NRG2: variants seen among roughly 807,000 people sequenced by gnomAD.
NRG2 encodes the protein neuregulin 2.
NRG2 carries 27 observed loss-of-function variants against 73.9 expected under a neutral mutation model. The ratio of observed to expected loss-of-function variants is 0.37; its 90% CI spans 0.27 to 0.50. The LOEUF (loss-of-function observed/expected upper bound fraction) is 0.50. Among genes scored for constraint, NRG2 ranks in the 20% least tolerant of loss-of-function variants. The probability of loss-of-function intolerance (pLI) is 0.96; values close to 1 mark genes in which losing one functional copy is unlikely to be tolerated. For missense variants in NRG2, 1,126 were observed against 1,210.1 expected, an observed-to-expected ratio of 0.93 and a Z score of 1.03; for synonymous variants, 532 against 541.0, an observed-to-expected ratio of 0.98 and a Z score of 0.23.
At chr5:139,883,538 C>T (rs921092297) in intron 2 of NRG2, among the ~76,000 whole-genome samples, 4 of 152,186 alleles carry the variant, frequency 2.6e-5, no homozygotes, top group African/African-American at 7.2e-5. Context: ...ACAGAGATGC[C>T]CAGACAGAGT....
intron 1 of NRG2, among the ~76,000 whole-genome samples, chr5:139,889,879 G>C (rs1010598125): frequency 6.6e-6 from 1 of 152,180 alleles, no homozygotes; most frequent in Non-Finnish European, 1.5e-5. Context: ...TACCTCTTGG[G>C]ATGATGGCTG....
At chr5:139,857,161 C>T (rs1761861562) in intron 5 of NRG2, among the ~76,000 whole-genome samples, 1 of 152,202 alleles carries the variant, frequency 6.6e-6, no homozygotes, top group Non-Finnish European at 1.5e-5. Context: ...TCTCTCTGTC[C>T]TACTTCATTG....
intron 1 of NRG2, among the ~76,000 whole-genome samples, chr5:139,923,039 C>T (rs1364485805): frequency 6.6e-6 from 1 of 152,162 alleles, no homozygotes; most frequent in Non-Finnish European, 1.5e-5. Flanking sequence ...TGTCCTTATA[C>T]ACTTGTCCAA....
At chr5:139,975,666 G>C (rs1030732679) in intron 1 of NRG2, among the ~76,000 whole-genome samples, 9 of 152,232 alleles carry the variant, frequency 5.9e-5, no homozygotes, top group Non-Finnish European at 1.3e-4. Context: ...GGCTGGGGCA[G>C]CTGGGCTGGG....
chr5:139,908,833 C>T (rs956079145), intron 1 of NRG2, among the ~76,000 whole-genome samples: 1 of 152,240 alleles, frequency 6.6e-6, no homozygotes, highest in Non-Finnish European at 1.5e-5. Flanking sequence ...CACCCTGGGG[C>T]ATGCCAGCTG....
intron 1 of NRG2, among the ~76,000 whole-genome samples, chr5:140,018,279 C>T (rs1292136976): frequency 3.3e-5 from 5 of 151,968 alleles, no homozygotes; most frequent in South Asian, 2.1e-4. Flanking sequence ...GGAGATGGCC[C>T]GGCATAACCA....
chr5:139,904,372 C>T lies in NRG2; in HGVS notation c.701-16861G>A, dbSNP rs777220182. The T allele has an allele frequency of 1.3e-6, 2 of 1,585,408 alleles. No homozygotes were observed. Among genetic ancestry groups the T allele is most frequent in the Non-Finnish European group, 1.7e-6 (2 of 1,173,886 alleles). On this transcript the variant is annotated intron_variant, in intron 1 of 9. Transcript: ENST00000361474. This position sits in a 1 kb window ranked among gnomAD's most constrained non-coding sequence, Gnocchi z 6.0. ...CTCTGGGTGCTTCTTGCCGCGGCCG[C>T]GGCCCCTCCTCCTGGACTCCGACAT...
At chr5:139,866,077 C>T (rs973722470) in intron 4 of NRG2, among the ~76,000 whole-genome samples, 1 of 152,102 alleles carries the variant, frequency 6.6e-6, no homozygotes, top group Non-Finnish European at 1.5e-5. Flanking sequence ...TCTCCTGGGC[C>T]CTGGGCAGGT....
At chr5:139,855,280 T>TGTGGG (rs1761733842) in intron 6 of NRG2, among the ~76,000 whole-genome samples, 1 of 152,214 alleles carries the variant, frequency 6.6e-6, no homozygotes, top group Non-Finnish European at 1.5e-5. Flanking sequence ...TCCAGGAGCC[T>TGTGGG]GTGGGGTCAG....
rs760621414 is a variant in NRG2, at chr5:139,847,936, T to G, written c.2534A>C (p.Gln845Pro). The G allele has an allele frequency of 2.5e-4, 369 of 1,496,970 alleles. No individual in the cohort carries two copies. Among genetic ancestry groups the G allele is most frequent in the Middle Eastern group, 9.4e-4 (4 of 4,274 alleles). 92.7% of individuals were successfully genotyped at this position (1,496,970 alleles called of 1,614,324 possible). A position where few individuals can be genotyped will look rare whatever the true frequency, so the allele number is the denominator to read the frequency against. ...GGGGCCCTAGAGTGGCGCCGAGTCC[T>G]GCTTGGCCCGCGGGGGCGGCCCGCG... The part of the protein sequence containing the change: ...HSRGPPPRAK[Q>P]DSAPL Residue 845 changes from glutamine (Q) to proline (P), a missense_variant, in exon 10 of 10, where the codon CAG (glutamine) becomes CCG (proline). Physicochemically the swap from Gln to Pro is moderately conservative, Grantham distance 76 (BLOSUM62 -1). Coordinates refer to ENST00000361474, the MANE Select transcript of NRG2 (RefSeq NM_004883.3).
At chr5:139,974,559 G>A (rs949186897) in intron 1 of NRG2, among the ~76,000 whole-genome samples, 4 of 152,070 alleles carry the variant, frequency 2.6e-5, no homozygotes, top group African/African-American at 9.7e-5. Context: ...TGAGGCAATC[G>A]CACACTCAAC....
intron 1 of NRG2, among the ~76,000 whole-genome samples, chr5:140,037,887 G>C: frequency 7.7e-6 from 1 of 129,318 alleles, no homozygotes; most frequent in South Asian, 2.6e-4. Flanking sequence ...TAGCCTGGGC[G>C]ACAGAGCAAG....
At chr5:140,005,040 C>G (rs967483314) in intron 1 of NRG2, among the ~76,000 whole-genome samples, 1 of 152,146 alleles carries the variant, frequency 6.6e-6, no homozygotes, top group Non-Finnish European at 1.5e-5. Context: ...TAACATCTTT[C>G]CCTTGGTTTT....
intron 1 of NRG2, among the ~76,000 whole-genome samples, chr5:139,924,436 A>G (rs551864979): frequency 6.6e-6 from 1 of 152,308 alleles, no homozygotes; most frequent in African/African-American, 2.4e-5. Flanking sequence ...TACAGATGGA[A>G]TTACTCAACC....
intron 1 of NRG2, among the ~76,000 whole-genome samples, chr5:139,952,316 C>G (rs994761970): frequency 2.0e-5 from 3 of 152,240 alleles, no homozygotes; most frequent in African/African-American, 7.2e-5. Flanking sequence ...ACCTTTTGTC[C>G]TTTAAACTAC....
chr5:139,857,765 C>T (rs894980406), intron 5 of NRG2, among the ~76,000 whole-genome samples: 1 of 152,108 alleles, frequency 6.6e-6, no homozygotes, highest in Non-Finnish European at 1.5e-5. Flanking sequence ...GATGCAGCAC[C>T]ACTTTTCCTG....
rs1452904962 is a variant in NRG2, at chr5:139,980,947, TA to T, written c.700+61422del. Reference sequence around the variant, plus strand: ...TGGTTGTGCAGAGAAGTGGTTTCTGTAAATGTGTCTCAGGGGGCAGGCAGAA... The same window carrying T: ...TGGTTGTGCAGAGAAGTGGTTTCTGTAATGTGTCTCAGGGGGCAGGCAGAA... On this transcript the variant is annotated intron_variant, in intron 1 of 9. Coordinates refer to ENST00000361474, the MANE Select transcript of NRG2 (RefSeq NM_004883.3). Among the ~76,000 whole-genome samples the T allele has an allele frequency of 2.0e-5, 3 of 152,154 alleles. No individual in the cohort carries two copies. The East Asian group carries it at 5.8e-4, about 29-fold the overall frequency.
intron 1 of NRG2, among the ~76,000 whole-genome samples, chr5:140,024,694 T>C (rs1760539636): frequency 6.6e-6 from 1 of 152,188 alleles, no homozygotes; most frequent in Admixed American, 6.5e-5. Context: ...TCCCCCATTA[T>C]CTTCCTAAAT....
At chr5:139,905,867 G>A (rs1237324100) in intron 1 of NRG2, among the ~76,000 whole-genome samples, 1 of 151,794 alleles carries the variant, frequency 6.6e-6, no homozygotes, top group Non-Finnish European at 1.5e-5. Context: ...TTTCCAAAAT[G>A]GCATTCATAT....
Sources: allele counts gnomAD v4.1 joint callset (sites outside exome capture counted in the v4.1 genomes callset), GRCh38; gene constraint gnomAD v4.1.1; non-coding constraint Gnocchi (gnomAD v3.1); transcripts MANE v1.5; gene names NCBI Gene and HGNC (gene_info 2026-07-23, HGNC 2026-07-21).